The following NRDC variants were observed in gnomAD, a reference collection of about 807,000 sequenced individuals.
NRDC encodes nardilysin.
Under a neutral mutation model 147.1 loss-of-function variants are expected in NRDC, and 54 were observed. The observed-to-expected ratio is 0.37, with a 90% CI of 0.29 to 0.46. The LOEUF (loss-of-function observed/expected upper bound fraction) is 0.46. Among genes scored for constraint, NRDC ranks in the 20% least tolerant of loss-of-function variants. The pLI is 1.00. For synonymous variants in NRDC, 440 were observed against 482.1 expected (o/e 0.91, Z 1.14); for missense variants, 1,082 against 1,370.6 (o/e 0.79, Z 3.33).
chr1:51,864,633 C>G (rs1682712734), intron 1 of NRDC, among the ~76,000 whole-genome samples: 1 of 152,000 alleles, frequency 6.6e-6, no homozygotes, highest in Non-Finnish European at 1.5e-5. Flanking sequence ...AACTGGTTAT[C>G]CATATTTTTT....
chr1:51,840,632 C>A, intron 1 of NRDC, 118 bp from the exon 2 acceptor site: 1 of 682,106 alleles, frequency 1.5e-6, no homozygotes, highest in Non-Finnish European at 2.4e-6. Flanking sequence ...AACACACACA[C>A]ACACAACTAT....
At chr1:51,841,212 G>A (rs1279486731) in intron 1 of NRDC, among the ~76,000 whole-genome samples, 3 of 152,048 alleles carry the variant, frequency 2.0e-5, no homozygotes, top group Non-Finnish European at 1.5e-5. Context: ...ACAGGCATGT[G>A]CCACCATCTC....
intron 14 of NRDC, among the ~76,000 whole-genome samples, chr1:51,812,987 C>CAAAAAAAA (rs1295063644): frequency 1.0e-5 from 1 of 98,290 alleles, no homozygotes; most frequent in African/African-American, 3.7e-5. Context: ...AAAAAAAAAT[C>CAAAAAAAA]AAAATGTGTT....
At chr1:51,823,032 G>C (rs1680275405) in intron 7 of NRDC, among the ~76,000 whole-genome samples, 1 of 152,162 alleles carries the variant, frequency 6.6e-6, no homozygotes, top group South Asian at 2.1e-4. Flanking sequence ...TGAAAAACAA[G>C]TAGGTTGAAA....
At chr1:51,792,566 T>C (rs1557895438) in intron 24 of NRDC, 142 bp from the exon 25 acceptor site, 1 of 730,246 alleles carries the variant, frequency 1.4e-6, no homozygotes, top group Non-Finnish European at 2.3e-6. Context: ...TGATGTTGTT[T>C]ACATATCTGC....
chr1:51,848,342 G>C (rs565088065), intron 1 of NRDC, among the ~76,000 whole-genome samples: 1 of 152,028 alleles, frequency 6.6e-6, no homozygotes, highest in Non-Finnish European at 1.5e-5. Context: ...TTAGACAGGC[G>C]TGGTGGCAGG....
intron 20 of NRDC, among the ~76,000 whole-genome samples, chr1:51,802,525 T>A (rs1679259032): frequency 3.9e-5 from 6 of 152,242 alleles, no homozygotes; most frequent in Admixed American, 3.9e-4. Flanking sequence ...TAGGCTTTAA[T>A]CTGCTTGAAA....
intron 1 of NRDC, among the ~76,000 whole-genome samples, chr1:51,856,576 G>A (rs961872573): frequency 1.3e-5 from 2 of 152,174 alleles, no homozygotes; most frequent in African/African-American, 4.8e-5. Context: ...GATGCACAGA[G>A]TGAGGTATGG....
chr1:51,844,856 AG>A (rs1341051645), intron 1 of NRDC, among the ~76,000 whole-genome samples: 36 of 145,062 alleles, frequency 2.5e-4, no homozygotes, highest in Non-Finnish European at 1.2e-4. Flanking sequence ...GAAGGAAGGA[AG>A]GAAGGAAGGA....
At chr1:51,798,703 T>C (rs1679047281) in intron 21 of NRDC, 1 of 289,078 alleles carries the variant, frequency 3.5e-6, no homozygotes, top group African/African-American at 2.2e-5. Flanking sequence ...CAAGTTTACT[T>C]AGTTGTACAC....
intron 8 of NRDC, among the ~76,000 whole-genome samples, chr1:51,820,492 A>G (rs1345205743): frequency 6.6e-6 from 1 of 152,174 alleles, no homozygotes; most frequent in East Asian, 1.9e-4. Flanking sequence ...ACAGAACCTA[A>G]TGAATTCCTC....
chr1:51,819,780 T>C lies in NRDC; in HGVS notation c.1291+20A>G. On this transcript the variant is annotated intron_variant, in intron 9 of 30. Coordinates refer to ENST00000352171, the MANE Select transcript of NRDC (RefSeq NM_001101662.2). ...GTGCTAACATTATTTCAAACAGTTT[T>C]AAACTTTTGGTTCACAAACCTCTAT... 1 of 1,578,012 alleles carries C rather than the reference T, an allele frequency of 6.3e-7. No homozygotes were observed. The highest frequency in any genetic ancestry group is 8.7e-7 in the Non-Finnish European group (1 of 1,154,864).
intron 3 of NRDC, among the ~76,000 whole-genome samples, chr1:51,835,310 C>T (rs910755606): frequency 6.6e-6 from 1 of 151,890 alleles, no homozygotes; most frequent in Non-Finnish European, 1.5e-5. Context: ...ATCCACCTGC[C>T]TTGGCTTCCC....
chr1:51,852,015 G>A (rs6688622), intron 1 of NRDC, among the ~76,000 whole-genome samples: 6,848 of 152,168 alleles, frequency 0.045, 491 homozygotes, highest in African/African-American at 0.16. Flanking sequence ...CTGTGAGGGG[G>A]GCAGCCTACA....
intron 23 of NRDC, 104 bp downstream of exon 23, chr1:51,794,719 G>A: frequency 6.3e-7 from 1 of 1,583,856 alleles, no homozygotes; most frequent in Non-Finnish European, 8.6e-7. Flanking sequence ...TCTACTACAA[G>A]TAGTATTTCA....
intron 1 of NRDC, among the ~76,000 whole-genome samples, chr1:51,870,032 G>T (rs944160698): frequency 2.6e-5 from 4 of 152,186 alleles, no homozygotes; most frequent in African/African-American, 9.7e-5. Flanking sequence ...ACAAGTATGT[G>T]CCACTGTGCC....
chr1:51,877,480 G>T (rs1171144556), intron 1 of NRDC, among the ~76,000 whole-genome samples: 1 of 152,006 alleles, frequency 6.6e-6, no homozygotes, highest in Non-Finnish European at 1.5e-5. Context: ...GGGCAACATC[G>T]CAAGACCCAG....
intron 3 of NRDC, among the ~76,000 whole-genome samples, chr1:51,834,783 T>C (rs1680871077): frequency 6.6e-6 from 1 of 152,158 alleles, no homozygotes; most frequent in African/African-American, 2.4e-5. Context: ...AAATTCACCT[T>C]TTATTAATTA....
rs766562024 is a variant in NRDC at position 51,794,511 on chromosome 1, G to T, written c.2736C>A (p.Asn912Lys). 4 of 1,614,180 alleles carry T rather than the reference G, an allele frequency of 2.5e-6. No individual in the cohort carries two copies. In the Admixed American group the frequency reaches 6.7e-5, roughly 27 times the overall value. The change falls in exon 24 of 31, where the codon AAC (asparagine) becomes AAA (lysine). Residue 912 changes from asparagine to lysine, a missense_variant. Asn to Lys is a moderately conservative substitution (Grantham distance 94, BLOSUM62 0). Transcript: ENST00000352171. ...GHHLCKVKAL[N>K]KGDANSEVTV... ...TGACTTCAGAGTTGGCATCACCCTT[G>T]TTCAGAGCTTTCACTTTGCATAGAT... is the stretch of plus-strand genomic sequence containing the variant.
Sources: gnomAD v4.1 joint callset for allele counts (sites outside exome capture counted in the v4.1 genomes callset) on GRCh38, gnomAD v4.1.1 for gene constraint, MANE v1.5 for transcripts, NCBI Gene and HGNC (gene_info 2026-07-23, HGNC 2026-07-21) for gene names.